The following GRIN2A variants were observed in gnomAD, a reference collection of about 807,000 sequenced individuals.
GRIN2A encodes glutamate receptor ionotropic, NMDA 2A.
In GRIN2A, 22 loss-of-function variants were observed where a neutral mutation model predicts 113.4. The observed-to-expected ratio is 0.19, with a 90% confidence interval of 0.14 to 0.28. The LOEUF is 0.28. Ranked by LOEUF, GRIN2A falls within the 10% of genes least tolerant of loss-of-function variation. GRIN2A has a pLI of 1.00. For synonymous variants in GRIN2A, 827 were observed against 738.4 expected (o/e 1.12, Z -1.94); for missense variants, 1,502 against 1,887.0 (o/e 0.80, Z 3.78).
intron 4 of GRIN2A, among the ~76,000 whole-genome samples, chr16:9,886,950 C>T (rs920609878): frequency 1.3e-5 from 2 of 152,108 alleles, no homozygotes; most frequent in Non-Finnish European, 2.9e-5. Context: ...TGCAGTGGTG[C>T]GATCTCAGCT....
intron 5 of GRIN2A, among the ~76,000 whole-genome samples, chr16:9,842,422 A>G (rs975778389): frequency 6.6e-6 from 1 of 152,184 alleles, no homozygotes; most frequent in African/African-American, 2.4e-5. Flanking sequence ...CATTTCATGA[A>G]TATGTTCTCT....
intron 3 of GRIN2A, among the ~76,000 whole-genome samples, chr16:9,917,723 T>C (rs890163078): frequency 4.6e-5 from 7 of 152,188 alleles, no homozygotes; most frequent in Admixed American, 3.9e-4. Context: ...AAAGACATGG[T>C]TGTGTGGTTG....
chr16:9,936,167 G>C lies in GRIN2A; in HGVS notation c.1007+1792C>G, dbSNP rs181492127. 3.8e-3 allele frequency among the ~76,000 whole-genome samples: 583 copies of C among 152,262 alleles called. 4 individuals carry two copies. The highest frequency in any genetic ancestry group is 6.4e-3 in the Admixed American group (98 of 15,296). On this transcript the variant is annotated intron_variant, in intron 3 of 12. Transcript: ENST00000330684. ...CCTCAAAGCACAGCCCCTAGACCAA[G>C]AACATCAACATCACCCAAAAACTTG... is the stretch of plus-strand genomic sequence containing the variant.
chr16:9,829,582 G>A lies in GRIN2A; in HGVS notation c.1848C>T (p.Ser616=), dbSNP rs372324916. Reference sequence around the variant, plus strand: ...TCCCTTTAGGATTCTGGACAGGCACGGAGTTATTGAACACCAGGCCCCAAA... The same window carrying A: ...TCCCTTTAGGATTCTGGACAGGCACAGAGTTATTGAACACCAGGCCCCAAA... ...WLLWGLVFNN[S]VPVQNPKGTT... Residue 616 remains serine (S), a synonymous_variant, in exon 9 of 13, where the codon TCC becomes TCT. Coordinates refer to ENST00000330684, the MANE Select transcript of GRIN2A (RefSeq NM_001134407.3). The A allele has an allele frequency of 1.3e-5, 21 of 1,613,822 alleles. No individual in the cohort carries two copies. Among genetic ancestry groups the A allele is most frequent in the Middle Eastern group, 1.6e-4 (1 of 6,082 alleles).
intron 2 of GRIN2A, among the ~76,000 whole-genome samples, chr16:10,115,876 G>A (rs1456806612): frequency 6.6e-6 from 1 of 152,160 alleles, no homozygotes; most frequent in African/African-American, 2.4e-5. Flanking sequence ...TGGTGGGAAT[G>A]TAAATTAGTT....
chr16:9,930,301 G>A (rs1052155742), intron 3 of GRIN2A, among the ~76,000 whole-genome samples: 3 of 152,072 alleles, frequency 2.0e-5, no homozygotes, highest in African/African-American at 7.2e-5. Flanking sequence ...CCCTATTCTT[G>A]GAATTTTCTC....
Position 9,757,309 on chromosome 16 carries a change from G to A in GRIN2A, c.*5840C>T, listed in dbSNP as rs768266693. 4 of 220,092 alleles carry A rather than the reference G, an allele frequency of 1.8e-5. No homozygotes were observed. The highest frequency in any genetic ancestry group is 6.6e-5 in the East Asian group (1 of 15,070). 13.6% of individuals were successfully genotyped at this position (220,092 alleles called of 1,614,324 possible). ...ATTAAAATAAATCAACTGCATTTCC[G>A]GGACCACTAACTCTATTCTCCGGAG... is the stretch of plus-strand genomic sequence containing the variant. On this transcript the variant is annotated 3_prime_UTR_variant, in exon 13 of 13. Transcript: ENST00000330684.
At chr16:10,003,269 G>T (rs577672290) in intron 2 of GRIN2A, among the ~76,000 whole-genome samples, 1 of 152,208 alleles carries the variant, frequency 6.6e-6, no homozygotes, top group South Asian at 2.1e-4. Context: ...GGCATGGAAT[G>T]GTCAAAAGGG....
chr16:9,965,269 G>A (rs958060676), intron 2 of GRIN2A, among the ~76,000 whole-genome samples: 62 of 152,186 alleles, frequency 4.1e-4, no homozygotes, highest in African/African-American at 1.3e-3. Context: ...CCTCTGTGCC[G>A]TATCAACCAG....
intron 10 of GRIN2A, among the ~76,000 whole-genome samples, chr16:9,808,823 T>C (rs149122307): frequency 3.6e-4 from 55 of 152,260 alleles, no homozygotes; most frequent in African/African-American, 1.2e-3. Flanking sequence ...TGTCCTGGTT[T>C]CATTCCTAGA....
chr16:9,829,799 C>A (rs1418667872), intron 8 of GRIN2A, 147 bp from the exon 9 acceptor site: 9 of 639,494 alleles, frequency 1.4e-5, no homozygotes, highest in African/African-American at 3.7e-5. Flanking sequence ...GCCCTAGAAC[C>A]ACAATAACTT....
rs184085047 is a variant in GRIN2A at position 10,098,000 on chromosome 16, T to C, written c.414+81998A>G. On this transcript the variant is annotated intron_variant, in intron 2 of 12. Transcript: ENST00000330684. ...CCAAAAGAACAGTCAGCAGACTAAA[T>C]ACACAACCCACAGAGTGTGAGAAAA... Among the ~76,000 whole-genome samples, 6 of 152,160 alleles carry C rather than the reference T, an allele frequency of 3.9e-5. No homozygotes were observed. In the East Asian group the frequency reaches 9.6e-4, roughly 24 times the overall value.
At chr16:9,868,573 G>A (rs13338195) in intron 4 of GRIN2A, among the ~76,000 whole-genome samples, 187 of 152,074 alleles carry the variant, frequency 1.2e-3, no homozygotes, top group African/African-American at 4.3e-3. Flanking sequence ...AGCCCAAATC[G>A]TCACTTTAAA....
At chr16:10,142,620 G>A (rs1375834017) in intron 2 of GRIN2A, among the ~76,000 whole-genome samples, 1 of 152,186 alleles carries the variant, frequency 6.6e-6, no homozygotes, top group East Asian at 1.9e-4. Flanking sequence ...GATTGCTTGA[G>A]CCCAGGAGTT....
intron 4 of GRIN2A, among the ~76,000 whole-genome samples, chr16:9,858,171 A>G (rs1286559631): frequency 6.6e-6 from 1 of 152,122 alleles, no homozygotes; most frequent in Non-Finnish European, 1.5e-5. Flanking sequence ...CAGGGCAGTC[A>G]TGAGAGAACA....
At chr16:10,087,334 C>G (rs1290887529) in intron 2 of GRIN2A, among the ~76,000 whole-genome samples, 1 of 152,234 alleles carries the variant, frequency 6.6e-6, no homozygotes, top group East Asian at 1.9e-4. Flanking sequence ...AATTGGAATC[C>G]TCGCCAATGT....
intron 12 of GRIN2A, among the ~76,000 whole-genome samples, chr16:9,766,319 T>G (rs577727183): frequency 1.3e-5 from 2 of 152,334 alleles, no homozygotes; most frequent in East Asian, 3.9e-4. Context: ...CCTGCAGGGA[T>G]GCTCACGGAA....
At position 9,759,291 on chromosome 16, in the gene GRIN2A, A is replaced by G. The variant is rs537753896; in HGVS notation, c.*3858T>C. On this transcript the variant is annotated 3_prime_UTR_variant, in exon 13 of 13. Transcript: ENST00000330684. ...AATTTTTAATCACCATTTAATTAACATCAACATTTTTTTTCTTTTTCATTA... is the reference window on the plus strand; with the variant it reads ...AATTTTTAATCACCATTTAATTAACGTCAACATTTTTTTTCTTTTTCATTA... 5 of 221,384 alleles carry G rather than the reference A, an allele frequency of 2.3e-5. No homozygotes were observed. Among genetic ancestry groups the G allele is most frequent in the African/African-American group, 1.1e-4 (5 of 44,872 alleles). The allele number at this position is 221,384 out of a possible 1,614,324, so 13.7% of individuals were successfully genotyped here.
chr16:9,853,120 G>C (rs983834760), intron 4 of GRIN2A, among the ~76,000 whole-genome samples: 3 of 152,176 alleles, frequency 2.0e-5, no homozygotes, highest in Non-Finnish European at 4.4e-5. Flanking sequence ...GGAAATTCAG[G>C]ATGAGTTGCA....
Sources: allele counts gnomAD v4.1 joint callset (sites outside exome capture counted in the v4.1 genomes callset), GRCh38; gene constraint gnomAD v4.1.1; transcripts MANE v1.5; gene names NCBI Gene and HGNC (gene_info 2026-07-23, HGNC 2026-07-21).